Variants in ERC2 observed in about 807,000 individuals in gnomAD.
ERC2 encodes ERC protein 2.
Under a neutral mutation model 114.8 loss-of-function variants are expected in ERC2, and 42 were observed. That is an observed-to-expected ratio of 0.37 (90% CI 0.29 to 0.47). The LOEUF is 0.47. Ranked by LOEUF, ERC2 falls within the 20% of genes least tolerant of loss-of-function variation. The pLI is 0.99. For missense variants in ERC2, 939 were observed against 1,150.7 expected (o/e 0.82, Z 2.66); for synonymous variants, 454 against 425.5 (o/e 1.07, Z -0.82).
intron 14 of ERC2, among the ~76,000 whole-genome samples, chr3:55,768,441 G>A (rs2067970715): frequency 6.6e-6 from 1 of 152,122 alleles, no homozygotes; most frequent in Admixed American, 6.5e-5. Flanking sequence ...CAAAGGACTA[G>A]GTTTTGCCTT....
chr3:56,063,681 G>A (rs2076341160), intron 7 of ERC2, among the ~76,000 whole-genome samples: 1 of 152,164 alleles, frequency 6.6e-6, no homozygotes, highest in Non-Finnish European at 1.5e-5. Context: ...TCAAAGCCAG[G>A]CCTGTCACAG....
intron 17 of ERC2, among the ~76,000 whole-genome samples, chr3:55,545,296 G>A (rs1018936904): frequency 1.3e-5 from 2 of 152,218 alleles, no homozygotes; most frequent in Non-Finnish European, 2.9e-5. Context: ...CAACCAGAGA[G>A]CTCCTTCTAA....
chr3:56,060,259 T>C (rs897251993), intron 7 of ERC2, among the ~76,000 whole-genome samples: 2 of 152,230 alleles, frequency 1.3e-5, no homozygotes, highest in Non-Finnish European at 2.9e-5. Flanking sequence ...TATCCACAGA[T>C]AATGGTTAAG....
At chr3:56,421,811 G>C (rs1032084876) in intron 2 of ERC2, among the ~76,000 whole-genome samples, 1 of 152,008 alleles carries the variant, frequency 6.6e-6, no homozygotes, top group African/African-American at 2.4e-5. Flanking sequence ...ATCATTATGT[G>C]CTCCCAGTAA....
intron 3 of ERC2, among the ~76,000 whole-genome samples, chr3:56,224,988 T>G (rs1010313019): frequency 6.6e-5 from 10 of 152,054 alleles, no homozygotes; most frequent in Admixed American, 5.9e-4. Flanking sequence ...CCTGCTCCCA[T>G]TCCTCATATA....
intron 6 of ERC2, among the ~76,000 whole-genome samples, chr3:56,087,781 T>C (rs2077581325): frequency 6.6e-6 from 1 of 152,166 alleles, no homozygotes; most frequent in Admixed American, 6.6e-5. Flanking sequence ...ATTCAAAGCT[T>C]CATTTGTTTG....
intron 14 of ERC2, among the ~76,000 whole-genome samples, chr3:55,869,984 A>T (rs1458895467): frequency 3.3e-5 from 5 of 152,140 alleles, no homozygotes; most frequent in Admixed American, 6.6e-5. Flanking sequence ...GTTGTGAAAA[A>T]CCGAATACAT....
intron 3 of ERC2, among the ~76,000 whole-genome samples, chr3:56,249,518 G>A (rs1053611380): frequency 6.6e-6 from 1 of 151,966 alleles, no homozygotes; most frequent in African/African-American, 2.4e-5. Context: ...AGTAGAGACG[G>A]GGTTTCACTG....
intron 7 of ERC2, among the ~76,000 whole-genome samples, chr3:56,045,576 G>A (rs963190641): frequency 2.8e-4 from 42 of 152,102 alleles, no homozygotes; most frequent in Admixed American, 2.6e-3. Context: ...GAAAGCCACG[G>A]TGTTGCATCT....
rs940004908 is a variant in ERC2, at chr3:56,449,579, A to G, written c.-140-14432T>C. Among the ~76,000 whole-genome samples, 7 of 152,232 alleles carry G rather than the reference A, an allele frequency of 4.6e-5. No individual in the cohort carries two copies. The East Asian group carries it at 1.2e-3, about 25-fold the overall frequency. On this transcript the variant is annotated intron_variant, in intron 1 of 17. Transcript: ENST00000288221. The stretch of plus-strand genomic sequence containing the variant: ...GTAATTGTAGCCAGAGAGGAGAGAC[A>G]TAGTGTTTTAAAAAGGAAAAGAGGA...
intron 14 of ERC2, among the ~76,000 whole-genome samples, chr3:55,793,961 A>G (rs1487605896): frequency 6.6e-6 from 1 of 152,218 alleles, no homozygotes; most frequent in Non-Finnish European, 1.5e-5. Flanking sequence ...CAACATAGGC[A>G]CACAGATTAG....
intron 14 of ERC2, among the ~76,000 whole-genome samples, chr3:55,816,103 C>G (rs149404178): frequency 6.6e-5 from 10 of 152,346 alleles, no homozygotes; most frequent in Non-Finnish European, 1.3e-4. Context: ...CAGAGGAAAG[C>G]AATCTGATAA....
intron 14 of ERC2, among the ~76,000 whole-genome samples, chr3:55,779,764 T>A (rs999377803): frequency 4.6e-4 from 70 of 152,208 alleles, no homozygotes; most frequent in Admixed American, 3.9e-4. Flanking sequence ...CGTTAGTAAG[T>A]CAAGAGAGGT....
chr3:56,256,098 G>C (rs2052497938), intron 3 of ERC2, among the ~76,000 whole-genome samples: 1 of 152,148 alleles, frequency 6.6e-6, no homozygotes, highest in South Asian at 2.1e-4. Flanking sequence ...ACGTAACTTG[G>C]TGTTCAGACT....
intron 6 of ERC2, among the ~76,000 whole-genome samples, chr3:56,087,466 G>A (rs1013441698): frequency 5.9e-5 from 9 of 152,064 alleles, no homozygotes; most frequent in Admixed American, 5.2e-4. Flanking sequence ...CCTTTCTGCC[G>A]TATTTTATGT....
chr3:55,784,142 CA>C (rs1036283857), intron 14 of ERC2, among the ~76,000 whole-genome samples: 11 of 152,036 alleles, frequency 7.2e-5, no homozygotes, highest in African/African-American at 2.7e-4. Flanking sequence ...TAAAAAGAGG[CA>C]AAATTCTTTG....
rs138428143 is a variant in ERC2, at chr3:55,966,814, T to C, written c.2268-16254A>G. 1.4e-3 allele frequency among the ~76,000 whole-genome samples: 207 copies of C among 152,326 alleles called. 1 individual carries two copies. Among genetic ancestry groups the C allele is most frequent in the African/African-American group, 4.5e-3 (187 of 41,574 alleles). ...GTAAGACTGTTTATCCAAAGCTACA[T>C]GACTCCCACCCACCATGGGCTGTTC... On this transcript the variant is annotated intron_variant, in intron 12 of 17. Transcript: ENST00000288221.
At chr3:56,088,111 C>T (rs1417447814) in intron 6 of ERC2, among the ~76,000 whole-genome samples, 2 of 152,032 alleles carry the variant, frequency 1.3e-5, no homozygotes, top group Non-Finnish European at 2.9e-5. Flanking sequence ...TTCCATACCA[C>T]ACTCCTTTTC....
chr3:56,092,440 G>A (rs953296733), intron 6 of ERC2, among the ~76,000 whole-genome samples: 1 of 152,118 alleles, frequency 6.6e-6, no homozygotes, highest in African/African-American at 2.4e-5. Context: ...TAAGTGACTA[G>A]TCCAAAGTTC....
Sources: gnomAD v4.1 joint callset for allele counts (sites outside exome capture counted in the v4.1 genomes callset) on GRCh38, gnomAD v4.1.1 for gene constraint, MANE v1.5 for transcripts, NCBI Gene and HGNC (gene_info 2026-07-23, HGNC 2026-07-21) for gene names.